Variants in GALNT15 observed in about 807,000 individuals in gnomAD.
GALNT15 encodes UDP-GalNAc transferase T15.
In GALNT15, 67 loss-of-function variants were observed where a neutral mutation model predicts 66.8. The observed-to-expected ratio is 1.00, with a 90% CI of 0.82 to 1.23. GALNT15 has a LOEUF of 1.23. GALNT15 is among the 50% of genes most tolerant of loss of function. GALNT15 has a pLI of 0.00. For missense variants in GALNT15, 827 were observed against 804.3 expected (o/e 1.03, Z -0.34); for synonymous variants, 313 against 311.5 (o/e 1.00, Z -0.05).
At chr3:16,185,725 A>G (rs1202917475) in intron 1 of GALNT15, among the ~76,000 whole-genome samples, 1 of 151,022 alleles carries the variant, frequency 6.6e-6, no homozygotes, top group Non-Finnish European at 1.5e-5. Context: ...CTCGCACTGT[A>G]GTCCAAGATG....
rs2063466425 is a variant in GALNT15, at chr3:16,181,143, GT to G, written c.539+5454del. On this transcript the variant is annotated intron_variant, in intron 1 of 9. Transcript: ENST00000339732. This position sits in a 1 kb window ranked among gnomAD's most constrained non-coding sequence, Gnocchi z 5.9. The stretch of plus-strand genomic sequence containing the variant: ...ATGGAGCTGTGGATATCATATTGCT[GT>G]CCTTTTTCTGACTGAAAAGTTATTT... Among the ~76,000 whole-genome samples, 4 of 152,128 alleles carry G rather than the reference GT, an allele frequency of 2.6e-5. No individual in the cohort carries two copies. Among genetic ancestry groups the G allele is most frequent in the African/African-American group, 7.2e-5 (3 of 41,420 alleles).
Position 16,174,929 on chromosome 3 carries a change from C to G in GALNT15, c.-223C>G. The G allele has an allele frequency of 1.9e-6, 1 of 537,756 alleles. No individual in the cohort carries two copies. 33.3% of individuals were successfully genotyped at this position (537,756 alleles called of 1,614,324 possible). A position where few individuals can be genotyped will look rare whatever the true frequency, so the allele number is the denominator to read the frequency against. On this transcript the variant is annotated 5_prime_UTR_variant, in exon 1 of 10. An upstream open reading frame in the 5' UTR gains an earlier in-frame stop. Transcript: ENST00000339732. The surrounding 1 kb of genome is among the most constrained non-coding windows in gnomAD (Gnocchi z 4.7). ...CAGAAGGCAATTAAAGAAATCCACT[C>G]AGAGAGGACTTGGGGTGAAACTTGG...
the GALNT15 span, among the ~76,000 whole-genome samples, chr3:16,247,097 AGTGTGTGT>A: frequency 1.6e-4 from 23 of 144,896 alleles, no homozygotes; most frequent in African/African-American, 3.8e-4. Context: ...CAAAGACTGT[AGTGTGTGT>A]GTGTGTGTGT....
chr3:16,222,591 TAAC>T (rs1200979192), intron 8 of GALNT15, 21 bp from the exon 9 acceptor site: 1 of 1,613,988 alleles, frequency 6.2e-7, no homozygotes, highest in African/African-American at 1.3e-5. Flanking sequence ...CTAGCTGCGC[TAAC>T]AACTATTGCT....
At chr3:16,240,291 T>C in the GALNT15 span, among the ~76,000 whole-genome samples, 3 of 152,246 alleles carry the variant, frequency 2.0e-5, no homozygotes, top group African/African-American at 7.2e-5. Flanking sequence ...TAAATATTTA[T>C]TAAATATCTG....
In GALNT15 at chr3:16,175,615, A is replaced by C. The variant is rs747709459; in HGVS notation, c.464A>C (p.Asp155Ala). 6.2e-7 allele frequency: 1 copy of C among 1,613,306 alleles called. No homozygotes were observed. Among genetic ancestry groups the C allele is most frequent in the South Asian group, 1.1e-5 (1 of 91,040 alleles). ...EEEELTPFSL[D>A]PRGLQEALSA... is the part of the protein sequence containing the mutation. ...GAGGAGTTGACCCCGTTCAGCCTGGACCCACGTGGCCTCCAGGAGGCACTC... is the reference window on the plus strand; with the variant it reads ...GAGGAGTTGACCCCGTTCAGCCTGGCCCCACGTGGCCTCCAGGAGGCACTC... The change falls in exon 1 of 10, where the codon GAC (aspartate) becomes GCC (alanine). Residue 155 changes from aspartate (D) to alanine (A), a missense_variant. Asp to Ala is a moderately radical substitution (Grantham distance 126). Transcript: ENST00000339732. The surrounding 1 kb of genome is among the most constrained non-coding windows in gnomAD (Gnocchi z 5.6).
intron 6 of GALNT15, among the ~76,000 whole-genome samples, chr3:16,217,048 C>T (rs1237888767): frequency 6.6e-6 from 1 of 152,200 alleles, no homozygotes; most frequent in Non-Finnish European, 1.5e-5. Flanking sequence ...AAATCCTCTC[C>T]TGCCCTGCTT....
intron 3 of GALNT15, among the ~76,000 whole-genome samples, chr3:16,206,624 G>A (rs562820825): frequency 1.2e-3 from 158 of 131,906 alleles, no homozygotes; most frequent in Non-Finnish European, 1.6e-3. Flanking sequence ...AGTGAACCGA[G>A]ATCACGCCAC....
intron 9 of GALNT15, among the ~76,000 whole-genome samples, chr3:16,226,999 C>T (rs1405494923): frequency 1.3e-5 from 2 of 152,146 alleles, no homozygotes; most frequent in African/African-American, 4.8e-5. Flanking sequence ...TGGATTAAAT[C>T]GTTTTGAAAG....
At chr3:16,245,479 C>T in the GALNT15 span, among the ~76,000 whole-genome samples, 1 of 152,280 alleles carries the variant, frequency 6.6e-6, no homozygotes, top group Non-Finnish European at 1.5e-5. Context: ...AATCCTGCCA[C>T]AGGGCCCTTG....
chr3:16,215,899 A>C (rs1349101222), intron 6 of GALNT15, among the ~76,000 whole-genome samples: 6 of 121,030 alleles, frequency 5.0e-5, no homozygotes, highest in Admixed American at 8.7e-5. Flanking sequence ...ACAGAGGGAG[A>C]CTCCGCCAAA....
downstream of GALNT15, among the ~76,000 whole-genome samples, chr3:16,236,891 C>T (rs1405936782): frequency 1.3e-5 from 2 of 152,164 alleles, no homozygotes; most frequent in Non-Finnish European, 2.9e-5. Flanking sequence ...GCAATAAGAA[C>T]ATGAACATGG....
chr3:16,182,707 G>A lies in GALNT15; in HGVS notation c.539+7017G>A, dbSNP rs896942521. 1 of 152,160 alleles carries A rather than the reference G, an allele frequency of 6.6e-6. No individual in the cohort carries two copies. The highest frequency in any genetic ancestry group is 2.4e-5 in the African/African-American group (1 of 41,406). The allele number at this position is 152,160 out of a possible 1,614,324, so 9.4% of individuals were successfully genotyped here. ...ACCACTGCCCTCTACTCTAACTGTG[G>A]TCCAGGAACCAACAGCATCAGCATT... On this transcript the variant is annotated intron_variant, in intron 1 of 9. Coordinates refer to ENST00000339732, the MANE Select transcript of GALNT15 (RefSeq NM_054110.5). This position sits in a 1 kb window ranked among gnomAD's most constrained non-coding sequence, Gnocchi z 6.1.
chr3:16,229,801 T>C lies in GALNT15; in HGVS notation c.*2301T>C. 1 of 931,598 alleles carries C rather than the reference T, an allele frequency of 1.1e-6. No homozygotes were observed. The highest frequency in any genetic ancestry group is 4.9e-5 in the South Asian group (1 of 20,230). The allele number at this position is 931,598 out of a possible 1,614,324, so 57.7% of individuals were successfully genotyped here. A position where few individuals can be genotyped will look rare whatever the true frequency, so the allele number is the denominator to read the frequency against. Reference sequence around the variant, plus strand: ...GGACCCAGATGGCTTATTGCCTAATTGGGTGAACAAAGCAAGAATATGGTG... The same window carrying C: ...GGACCCAGATGGCTTATTGCCTAATCGGGTGAACAAAGCAAGAATATGGTG... On this transcript the variant is annotated 3_prime_UTR_variant, in exon 10 of 10. Transcript: ENST00000339732.
At position 16,181,190 on chromosome 3, in the gene GALNT15, A is replaced by G. The variant is rs1248649660; in HGVS notation, c.539+5500A>G. On this transcript the variant is annotated intron_variant, in intron 1 of 9. Transcript: ENST00000339732. This position sits in a 1 kb window ranked among gnomAD's most constrained non-coding sequence, Gnocchi z 5.9. ...TATTTTCTGGCCCTGGAGGCTGCTA[A>G]ATCATCATAAATGTGCAGGTACATT... Among the ~76,000 whole-genome samples, 1 of 152,176 alleles carries G rather than the reference A, an allele frequency of 6.6e-6. No homozygotes were observed. Among genetic ancestry groups the G allele is most frequent in the Non-Finnish European group, 1.5e-5 (1 of 68,030 alleles).
intron 6 of GALNT15, among the ~76,000 whole-genome samples, chr3:16,215,263 T>G (rs944969864): frequency 1.3e-5 from 2 of 152,256 alleles, no homozygotes; most frequent in African/African-American, 4.8e-5. Context: ...ACTGGCATGA[T>G]TTTTTAGAGC....
chr3:16,219,520 A>G lies in GALNT15; in HGVS notation c.1510A>G (p.Ser504Gly), dbSNP rs2063918030. 1.2e-6 allele frequency: 2 copies of G among 1,614,138 alleles called. No homozygotes were observed. The highest frequency in any genetic ancestry group is 1.7e-6 in the Non-Finnish European group (2 of 1,180,018). ...GCTGTACCCATCTGAACCCAGGCCC[A>G]GTTTCTCTGGAAAGGCAAGGCATGA... is the stretch of plus-strand genomic sequence containing the variant. ...PELYPSEPRP[S>G]FSGKLHNTGL... is the part of the protein sequence containing the mutation. Residue 504 changes from serine to glycine, a missense_variant, in exon 7 of 10, where the codon AGT becomes GGT. Transcript: ENST00000339732. This position sits in a 1 kb window ranked among gnomAD's most constrained non-coding sequence, Gnocchi z 4.3.
intron 1 of GALNT15, among the ~76,000 whole-genome samples, chr3:16,177,279 T>C (rs2063420284): frequency 2.0e-5 from 3 of 152,246 alleles, no homozygotes; most frequent in Admixed American, 2.0e-4. Flanking sequence ...GTGAGCATCC[T>C]CTTTTTGCCG....
At chr3:16,243,695 G>A in the GALNT15 span, among the ~76,000 whole-genome samples, 2 of 152,202 alleles carry the variant, frequency 1.3e-5, no homozygotes, top group African/African-American at 4.8e-5. Flanking sequence ...GGTCTTGCTA[G>A]GGAGCTGTCA....
Sources: allele counts gnomAD v4.1 joint callset (sites outside exome capture counted in the v4.1 genomes callset), GRCh38; gene constraint gnomAD v4.1.1; non-coding constraint Gnocchi (gnomAD v3.1); transcripts MANE v1.5; gene names NCBI Gene and HGNC (gene_info 2026-07-23, HGNC 2026-07-21).